The following CAMSAP2 variants were observed in gnomAD, a reference collection of about 807,000 sequenced individuals.
The protein encoded by CAMSAP2 is calmodulin-regulated spectrin-associated protein 2.
In CAMSAP2, 26 loss-of-function variants were observed where a neutral mutation model predicts 146.1. The ratio of observed to expected loss-of-function variants is 0.18; its 90% confidence interval spans 0.13 to 0.25. The LOEUF (loss-of-function observed/expected upper bound fraction) is 0.25. Among genes scored for constraint, CAMSAP2 ranks in the 10% least tolerant of loss-of-function variants. The pLI is 1.00. For synonymous variants in CAMSAP2, 499 were observed against 596.6 expected (o/e 0.84, Z 2.38); for missense variants, 1,381 against 1,759.3 (o/e 0.78, Z 3.85).
At chr1:200,799,487 A>G (rs1167090222) in intron 2 of CAMSAP2, among the ~76,000 whole-genome samples, 1 of 152,052 alleles carries the variant, frequency 6.6e-6, no homozygotes, top group African/African-American at 2.4e-5. Context: ...CTCTGATGGC[A>G]GTTTGTATTT....
At chr1:200,781,908 G>A (rs1008492712) in intron 2 of CAMSAP2, among the ~76,000 whole-genome samples, 30 of 151,930 alleles carry the variant, frequency 2.0e-4, no homozygotes, top group African/African-American at 6.3e-4. Flanking sequence ...GTCTTTGATG[G>A]CTCATTGGCA....
At chr1:200,817,735 G>A (rs553737929) in intron 4 of CAMSAP2, among the ~76,000 whole-genome samples, 8 of 152,308 alleles carry the variant, frequency 5.3e-5, no homozygotes, top group Admixed American at 3.3e-4. Context: ...GGAGGACCAC[G>A]TACAATTTTG....
intron 1 of CAMSAP2, among the ~76,000 whole-genome samples, chr1:200,756,475 G>GA (rs1007421467): frequency 1.3e-5 from 2 of 151,054 alleles, no homozygotes; most frequent in Non-Finnish European, 3.0e-5. Flanking sequence ...AAAAAAAAAA[G>GA]AAAAAAAAGT....
At position 200,816,711 on chromosome 1, in the gene CAMSAP2, T is replaced by C. The variant is rs148666738; in HGVS notation, c.645+1067T>C. On this transcript the variant is annotated intron_variant, in intron 4 of 16. Transcript: ENST00000358823. ...GTACATGCACACATATATGTGTATA[T>C]ATACACACGCACATATATGTGTGTA... 7.7e-5 allele frequency among the ~76,000 whole-genome samples: 9 copies of C among 117,018 alleles called. No homozygotes were observed. The South Asian group carries it at 1.1e-3, about 14-fold the overall frequency. 76.8% of individuals were successfully genotyped at this position (117,018 alleles called of 152,430 possible). A position where few individuals can be genotyped will look rare whatever the true frequency, so the allele number is the denominator to read the frequency against.
At chr1:200,823,039 C>A (rs1666816463) in intron 4 of CAMSAP2, among the ~76,000 whole-genome samples, 1 of 152,140 alleles carries the variant, frequency 6.6e-6, no homozygotes, top group Non-Finnish European at 1.5e-5. Flanking sequence ...AATAGCCTAT[C>A]TTTCTTGAAA....
chr1:200,770,656 C>T (rs1665090531), intron 2 of CAMSAP2, among the ~76,000 whole-genome samples: 1 of 152,134 alleles, frequency 6.6e-6, no homozygotes, highest in African/African-American at 2.4e-5. Context: ...CCTTGTGATC[C>T]ACCCACCTCG....
chr1:200,739,580 G>A lies in CAMSAP2; in HGVS notation c.-248G>A, dbSNP rs1418993177. The A allele has an allele frequency of 9.6e-6, 2 of 209,338 alleles. No individual in the cohort carries two copies. Among genetic ancestry groups the A allele is most frequent in the African/African-American group, 4.7e-5 (2 of 42,802 alleles). 13.0% of individuals were successfully genotyped at this position (209,338 alleles called of 1,614,324 possible). ...GGCACGGGGCGGACCTCGCGCGGACGGACGGACGGAGACGGCGCCGCCACA... is the reference window on the plus strand; with the variant it reads ...GGCACGGGGCGGACCTCGCGCGGACAGACGGACGGAGACGGCGCCGCCACA... On this transcript the variant is annotated 5_prime_UTR_variant, in exon 1 of 17. Coordinates refer to ENST00000358823, the MANE Select transcript of CAMSAP2 (RefSeq NM_203459.4). The surrounding 1 kb of genome is among the most constrained non-coding windows in gnomAD (Gnocchi z 4.8).
chr1:200,809,372 T>C (rs1666265163), intron 3 of CAMSAP2, among the ~76,000 whole-genome samples: 1 of 152,252 alleles, frequency 6.6e-6, no homozygotes, highest in Non-Finnish European at 1.5e-5. Flanking sequence ...TGGTCATTGG[T>C]CCTGTACTTC....
chr1:200,750,366 G>A (rs1664465054), intron 1 of CAMSAP2, among the ~76,000 whole-genome samples: 1 of 152,072 alleles, frequency 6.6e-6, no homozygotes, highest in African/African-American at 2.4e-5. Flanking sequence ...ATTGATATAA[G>A]GAACACTGAA....
rs775781821 is a variant in CAMSAP2, at chr1:200,832,191, A to AT, written c.646-8dup. ...TTATTTATTTTCATGTATTTTTTTT[A>AT]TATCGTAGGCTCGTTATCGGAAAGA... On this transcript the variant is annotated splice_polypyrimidine_tract_variant and intron_variant, in intron 4 of 16. Coordinates refer to ENST00000358823, the MANE Select transcript of CAMSAP2 (RefSeq NM_203459.4). The surrounding 1 kb of genome is among the most constrained non-coding windows in gnomAD (Gnocchi z 4.2). 1 of 1,586,432 alleles carries AT rather than the reference A, an allele frequency of 6.3e-7. No individual in the cohort carries two copies. Among genetic ancestry groups the AT allele is most frequent in the Admixed American group, 1.9e-5 (1 of 52,714 alleles).
At position 200,857,625 on chromosome 1, in the gene CAMSAP2, T is replaced by C; in HGVS notation, c.4132-129T>C. 3.2e-6 allele frequency: 3 copies of C among 942,934 alleles called. 1 individual carries two copies. The South Asian group carries it at 5.4e-5, about 17-fold the overall frequency. 58.4% of individuals were successfully genotyped at this position (942,934 alleles called of 1,614,324 possible). On this transcript the variant is annotated intron_variant, in intron 16 of 16. Coordinates refer to ENST00000358823, the MANE Select transcript of CAMSAP2 (RefSeq NM_203459.4). This position sits in a 1 kb window ranked among gnomAD's most constrained non-coding sequence, Gnocchi z 4.7. ...TTTATTAAAGACTAGCAATAGGCTT[T>C]AAGATTTGTCATTGAAATAATGTTA... is the stretch of plus-strand genomic sequence containing the variant.
At chr1:200,816,608 A>ATG (rs1298679870) in intron 4 of CAMSAP2, among the ~76,000 whole-genome samples, 2 of 86,926 alleles carry the variant, frequency 2.3e-5, no homozygotes, top group Non-Finnish European at 5.3e-5. Context: ...AAAAAAAAAT[A>ATG]TATATATATA....
chr1:200,759,025 A>T (rs886957615), intron 1 of CAMSAP2, among the ~76,000 whole-genome samples: 2 of 152,184 alleles, frequency 1.3e-5, no homozygotes, highest in African/African-American at 4.8e-5. Flanking sequence ...TAAAACTGTC[A>T]GCACCTCCTT....
At chr1:200,843,906 C>T (rs917270950) in intron 7 of CAMSAP2, among the ~76,000 whole-genome samples, 6 of 151,844 alleles carry the variant, frequency 4.0e-5, no homozygotes, top group African/African-American at 1.5e-4. Context: ...GAGTCTCGCT[C>T]TGTTGCCCAG....
intron 4 of CAMSAP2, among the ~76,000 whole-genome samples, chr1:200,825,380 T>C (rs920521591): frequency 1.3e-5 from 2 of 152,184 alleles, no homozygotes; most frequent in African/African-American, 4.8e-5. Context: ...TGCATGTTTG[T>C]TTCTCCTCCT....
At chr1:200,802,619 T>C (rs751892382) in intron 2 of CAMSAP2, among the ~76,000 whole-genome samples, 3 of 152,222 alleles carry the variant, frequency 2.0e-5, no homozygotes, top group African/African-American at 4.8e-5. Context: ...GTGGGCGTAC[T>C]TGGGCATAGT....
At chr1:200,824,836 A>G (rs1011332120) in intron 4 of CAMSAP2, among the ~76,000 whole-genome samples, 1 of 152,098 alleles carries the variant, frequency 6.6e-6, no homozygotes, top group Non-Finnish European at 1.5e-5. Context: ...AAAATTAGCC[A>G]GGTGTGTTGG....
chr1:200,855,974 G>A, intron 14 of CAMSAP2, 36 bp from the exon 15 acceptor site: 1 of 1,440,338 alleles, frequency 6.9e-7, no homozygotes, highest in Non-Finnish European at 9.7e-7. Flanking sequence ...TTTTTTCTCT[G>A]TTTGAGACAT....
In CAMSAP2 at chr1:200,852,546, T is replaced by C; in HGVS notation, c.3471T>C (p.Asp1157=). ...KVCCGFFFKD[D]QKAENDMAMK... ...TCAATGAAATTCGTTCTTAGGATGA[T>C]CAAAAAGCAGAAAATGATATGGCAA... is the stretch of plus-strand genomic sequence containing the variant. Residue 1157 remains aspartate (D), a synonymous_variant, in exon 12 of 17, where the codon GAT becomes GAC. Coordinates refer to ENST00000358823, the MANE Select transcript of CAMSAP2 (RefSeq NM_203459.4). The C allele has an allele frequency of 1.9e-6, 3 of 1,611,152 alleles. No individual in the cohort carries two copies. Among genetic ancestry groups the C allele is most frequent in the Non-Finnish European group, 2.5e-6 (3 of 1,179,238 alleles).
Sources: gnomAD v4.1 joint callset for allele counts (sites outside exome capture counted in the v4.1 genomes callset) on GRCh38, gnomAD v4.1.1 for gene constraint, Gnocchi (gnomAD v3.1) non-coding constraint, MANE v1.5 for transcripts, NCBI Gene and HGNC (gene_info 2026-07-23, HGNC 2026-07-21) for gene names.